MYO1G: variants seen among roughly 807,000 people sequenced by gnomAD.
The protein encoded by MYO1G is unconventional myosin-Ig.
In MYO1G, 65 loss-of-function variants were observed where a neutral mutation model predicts 115.3. The observed-to-expected ratio is 0.56, with a 90% confidence interval of 0.46 to 0.69. The LOEUF is 0.69. Ranked by LOEUF, MYO1G falls within the 30% of genes least tolerant of loss-of-function variation. MYO1G has a pLI of 0.00. For synonymous variants in MYO1G, 510 were observed against 552.6 expected (o/e 0.92, Z 1.08); for missense variants, 1,204 against 1,393.5 (o/e 0.86, Z 2.16).
At position 44,962,955 on chromosome 7, in the gene MYO1G, C is replaced by T. The variant is rs1314007086; in HGVS notation, c.2900+15G>A. On this transcript the variant is annotated intron_variant, in intron 21 of 21. Transcript: ENST00000258787. This position sits in a 1 kb window ranked among gnomAD's most constrained non-coding sequence, Gnocchi z 5.3. ...GCCGGGGCTTCGTGCCCGCTACCGC[C>T]CAGCCTGCACTCACCCCTGGCAGTG... 7 of 1,521,982 alleles carry T rather than the reference C, an allele frequency of 4.6e-6. No homozygotes were observed. Among genetic ancestry groups the T allele is most frequent in the Non-Finnish European group, 6.1e-6 (7 of 1,138,694 alleles). The allele number at this position is 1,521,982 out of a possible 1,614,324, so 94.3% of individuals were successfully genotyped here.
In MYO1G at chr7:44,965,025, C is replaced by A; in HGVS notation, c.2446G>T (p.Val816Leu). The A allele has an allele frequency of 6.2e-7, 1 of 1,611,576 alleles. No homozygotes were observed. The highest frequency in any genetic ancestry group is 8.5e-7 in the Non-Finnish European group (1 of 1,178,678). ...PSDMPQIKAK[V>L]AAMGALQGLR... ...CCTTGCAGGGCCCCCATGGCGGCCA[C>A]CTTGGCCTTGATCTGGGGCATGTCT... The change falls in exon 18 of 22, where the codon GTG (valine) becomes TTG (leucine). Residue 816 changes from valine (V) to leucine (L), a missense_variant. Physicochemically the swap from Val to Leu is conservative, Grantham distance 32 (BLOSUM62 1). Coordinates refer to ENST00000258787, the MANE Select transcript of MYO1G (RefSeq NM_033054.3).
chr7:44,970,561 G>A, intron 9 of MYO1G, 31 bp downstream of exon 9: 1 of 1,612,650 alleles, frequency 6.2e-7, no homozygotes, highest in Non-Finnish European at 8.5e-7. Context: ...CTGGGTGTCA[G>A]AGGTGGAGAT....
At chr7:44,972,084 A>C in intron 6 of MYO1G, 31 bp downstream of exon 6, 1 of 1,552,012 alleles carries the variant, frequency 6.4e-7, no homozygotes, top group Non-Finnish European at 8.9e-7. Context: ...CACTGAGCCC[A>C]GTTTGAGCCC....
Position 44,964,369 on chromosome 7 carries a change from T to G in MYO1G, c.2631+46A>C. The G allele has an allele frequency of 6.4e-7, 1 of 1,562,842 alleles. No individual in the cohort carries two copies. The highest frequency in any genetic ancestry group is 8.8e-7 in the Non-Finnish European group (1 of 1,134,098). On this transcript the variant is annotated intron_variant, in intron 19 of 21. Transcript: ENST00000258787. This position sits in a 1 kb window ranked among gnomAD's most constrained non-coding sequence, Gnocchi z 5.1. Reference sequence around the variant, plus strand: ...CAGCTTCTAACCTTGCAGACGTGGCTAGAAAAAGAGCACAGCCCTGAAGCC... The same window carrying G: ...CAGCTTCTAACCTTGCAGACGTGGCGAGAAAAAGAGCACAGCCCTGAAGCC...
Position 44,963,138 on chromosome 7 carries a change from G to A in MYO1G, c.2746-14C>T, listed in dbSNP as rs910319520. ...CAGCCCCGTCACCTGAGCGGAGCGC[G>A]GGGTCAGAGTGCAGCCGCCTCAACC... is the stretch of plus-strand genomic sequence containing the variant. On this transcript the variant is annotated splice_polypyrimidine_tract_variant and intron_variant, in intron 20 of 21. Coordinates refer to ENST00000258787, the MANE Select transcript of MYO1G (RefSeq NM_033054.3). This position sits in a 1 kb window ranked among gnomAD's most constrained non-coding sequence, Gnocchi z 4.1. 1.4e-6 allele frequency: 2 copies of A among 1,438,164 alleles called. No homozygotes were observed. The highest frequency in any genetic ancestry group is 1.8e-6 in the Non-Finnish European group (2 of 1,099,792). The allele number at this position is 1,438,164 out of a possible 1,614,324, so 89.1% of individuals were successfully genotyped here.
At position 44,962,802 on chromosome 7, in the gene MYO1G, C is replaced by A; in HGVS notation, c.2994G>T (p.Glu998Asp). The part of the protein sequence containing the change: ...RRLISVEPRP[E>D]QPEPDFRCAR... The stretch of plus-strand genomic sequence containing the variant: ...CGCAGCGGAAATCGGGCTCTGGCTG[C>A]TCCGGCCTGGGCTCCACGGAGATGA... The change falls in exon 22 of 22, where the codon GAG becomes GAT. Residue 998 changes from glutamate to aspartate, a missense_variant. Physicochemically the swap from Glu to Asp is conservative, Grantham distance 45. Transcript: ENST00000258787. The surrounding 1 kb of genome is among the most constrained non-coding windows in gnomAD (Gnocchi z 5.3). 1 of 1,515,982 alleles carries A rather than the reference C, an allele frequency of 6.6e-7. No homozygotes were observed. Among genetic ancestry groups the A allele is most frequent in the Non-Finnish European group, 8.8e-7 (1 of 1,138,484 alleles). 93.9% of individuals were successfully genotyped at this position (1,515,982 alleles called of 1,614,324 possible).
chr7:44,969,582 A>T lies in MYO1G; in HGVS notation c.1504-99T>A. 6.3e-7 allele frequency: 1 copy of T among 1,577,206 alleles called. No individual in the cohort carries two copies. Among genetic ancestry groups the T allele is most frequent in the East Asian group, 2.2e-5 (1 of 44,594 alleles). On this transcript the variant is annotated intron_variant, in intron 11 of 21. Coordinates refer to ENST00000258787, the MANE Select transcript of MYO1G (RefSeq NM_033054.3). The surrounding 1 kb of genome is among the most constrained non-coding windows in gnomAD (Gnocchi z 5.0). ...CACCTCCAGGGCAGAGAAGGTTGCCACAGTGACGACAATGGCACCAAAGCT... is the reference window on the plus strand; with the variant it reads ...CACCTCCAGGGCAGAGAAGGTTGCCTCAGTGACGACAATGGCACCAAAGCT...
Position 44,969,524 on chromosome 7 carries a change from G to T in MYO1G, c.1504-41C>A. The T allele has an allele frequency of 2.5e-6, 4 of 1,609,718 alleles. No homozygotes were observed. The highest frequency in any genetic ancestry group is 3.4e-6 in the Non-Finnish European group (4 of 1,176,484). On this transcript the variant is annotated intron_variant, in intron 11 of 21. Transcript: ENST00000258787. This position sits in a 1 kb window ranked among gnomAD's most constrained non-coding sequence, Gnocchi z 5.0. ...GAGGTCAAGGCACAAAAGGTATGTG[G>T]AGGGTCTGTATGAAGGGATAGCCCT...
At position 44,975,595 on chromosome 7, in the gene MYO1G, G is replaced by T; in HGVS notation, c.453C>A (p.Ala151=). The part of the protein sequence containing the change: ...STCVLEAFGN[A]RTNRNHNSSR... Reference sequence around the variant, plus strand: ...TGGAGTTGTGATTGCGGTTGGTGCGGGCATTGCCAAAGGCCTCCAGCACAC... The same window carrying T: ...TGGAGTTGTGATTGCGGTTGGTGCGTGCATTGCCAAAGGCCTCCAGCACAC... The change falls in exon 4 of 22, where the codon GCC becomes GCA. Residue 151 remains alanine (A), a synonymous_variant. Transcript: ENST00000258787. 6.2e-7 allele frequency: 1 copy of T among 1,613,936 alleles called. No individual in the cohort carries two copies. The highest frequency in any genetic ancestry group is 8.5e-7 in the Non-Finnish European group (1 of 1,179,874).
intron 14 of MYO1G, among the ~76,000 whole-genome samples, chr7:44,967,310 C>T (rs1794864386): frequency 6.6e-6 from 1 of 152,186 alleles, no homozygotes; most frequent in African/African-American, 2.4e-5. Flanking sequence ...TGGGCTGGGC[C>T]AAGCCAGCCT....
chr7:44,965,598 G>T (rs764508653), intron 17 of MYO1G, 39 bp downstream of exon 17: 1 of 1,565,448 alleles, frequency 6.4e-7, no homozygotes, highest in Non-Finnish European at 8.8e-7. Flanking sequence ...TTCAGTGGAT[G>T]CCAGCTGAAT....
intron 5 of MYO1G, chr7:44,974,067 A>C (rs1161614914): frequency 6.7e-6 from 1 of 148,510 alleles, no homozygotes; most frequent in Non-Finnish European, 1.5e-5. Context: ...GACTCACTGG[A>C]AAGACAGCCC....
rs553828393 is a variant in MYO1G, at chr7:44,963,730, G to A, written c.2745+319C>T. On this transcript the variant is annotated intron_variant, in intron 20 of 21. Transcript: ENST00000258787. The surrounding 1 kb of genome is among the most constrained non-coding windows in gnomAD (Gnocchi z 4.1). ...CAGGAGGCCCAGAACATTGTGGTGG[G>A]TACTCAGGTCCCAGAATGCCCAGGT... The A allele has an allele frequency of 5.1e-5, 19 of 374,084 alleles. No individual in the cohort carries two copies. Among genetic ancestry groups the A allele is most frequent in the Non-Finnish European group, 9.5e-5 (19 of 200,788 alleles). The allele number at this position is 374,084 out of a possible 1,614,324, so 23.2% of individuals were successfully genotyped here.
Position 44,969,806 on chromosome 7 carries a change from G to A in MYO1G, c.1402C>T (p.Leu468=), listed in dbSNP as rs367581527. The A allele has an allele frequency of 1.7e-5, 28 of 1,613,294 alleles. No individual in the cohort carries two copies. The East Asian group carries it at 3.1e-4, about 18-fold the overall frequency. The part of the protein sequence containing the change: ...ERPHRGILAV[L]DEACSSAGTI... Reference sequence around the variant, plus strand: ...CCAGCAGAGCTGCAGGCCTCGTCCAGCACGGCCAGGATGCCACGGTGGGGC... The same window carrying A: ...CCAGCAGAGCTGCAGGCCTCGTCCAACACGGCCAGGATGCCACGGTGGGGC... The change falls in exon 11 of 22, where the codon CTG becomes TTG. Residue 468 remains leucine, a synonymous_variant. Coordinates refer to ENST00000258787, the MANE Select transcript of MYO1G (RefSeq NM_033054.3). This position sits in a 1 kb window ranked among gnomAD's most constrained non-coding sequence, Gnocchi z 5.0.
Position 44,966,566 on chromosome 7 carries a change from T to C in MYO1G, c.1949+106A>G. On this transcript the variant is annotated intron_variant, in intron 15 of 21. Coordinates refer to ENST00000258787, the MANE Select transcript of MYO1G (RefSeq NM_033054.3). This position sits in a 1 kb window ranked among gnomAD's most constrained non-coding sequence, Gnocchi z 5.0. ...AGGCCAGCAGCGTGCTGGTTCCTGC[T>C]TGTATCGATGTTTGCGACGTGCTGT... 7.1e-7 allele frequency: 1 copy of C among 1,400,836 alleles called. No homozygotes were observed. The highest frequency in any genetic ancestry group is 1.0e-6 in the Non-Finnish European group (1 of 997,162). The allele number at this position is 1,400,836 out of a possible 1,614,324, so 86.8% of individuals were successfully genotyped here. A position where few individuals can be genotyped will look rare whatever the true frequency, so the allele number is the denominator to read the frequency against.
Position 44,966,243 on chromosome 7 carries a change from G to A in MYO1G, c.1987C>T (p.Leu663=), listed in dbSNP as rs1193568675. Residue 663 remains leucine, a synonymous_variant, in exon 16 of 22, where the codon CTG becomes TTG. Coordinates refer to ENST00000258787, the MANE Select transcript of MYO1G (RefSeq NM_033054.3). The surrounding 1 kb of genome is among the most constrained non-coding windows in gnomAD (Gnocchi z 5.0). ...MTCEYTWPNH[L]LGSDKAAVSA... ...ACGGCTGCCTTGTCGGAGCCCAGCA[G>A]GTGGTTGGGCCATGTGTATTCACAG... 1 of 1,611,446 alleles carries A rather than the reference G, an allele frequency of 6.2e-7. No individual in the cohort carries two copies. The highest frequency in any genetic ancestry group is 1.7e-5 in the Admixed American group (1 of 59,856).
Position 44,964,587 on chromosome 7 carries a change from C to T in MYO1G, c.2527-68G>A, listed in dbSNP as rs1794806917. ...TCATGGGACCAGACTCAATTGATAG[C>T]AGCTGTCTGTGAATCAGCATAGCTA... On this transcript the variant is annotated intron_variant, in intron 18 of 21. Coordinates refer to ENST00000258787, the MANE Select transcript of MYO1G (RefSeq NM_033054.3). The surrounding 1 kb of genome is among the most constrained non-coding windows in gnomAD (Gnocchi z 5.1). 1 of 1,256,672 alleles carries T rather than the reference C, an allele frequency of 8.0e-7. No homozygotes were observed. 77.8% of individuals were successfully genotyped at this position (1,256,672 alleles called of 1,614,324 possible). A position where few individuals can be genotyped will look rare whatever the true frequency, so the allele number is the denominator to read the frequency against.
At chr7:44,972,774 A>C (rs1794982784) in intron 5 of MYO1G, 2 of 154,994 alleles carry the variant, frequency 1.3e-5, no homozygotes, top group South Asian at 4.0e-4. Flanking sequence ...TAGGGAGCTC[A>C]GCGTCTGTGG....
At chr7:44,970,237 C>G in intron 9 of MYO1G, 83 bp from the exon 10 acceptor site, 6 of 963,764 alleles carry the variant, frequency 6.2e-6, no homozygotes, top group Non-Finnish European at 8.1e-6. Context: ...CTGAACATCT[C>G]TGCTAATGTT....
Sources: gnomAD v4.1 joint callset for allele counts (sites outside exome capture counted in the v4.1 genomes callset) on GRCh38, gnomAD v4.1.1 for gene constraint, Gnocchi (gnomAD v3.1) non-coding constraint, MANE v1.5 for transcripts, NCBI Gene and HGNC (gene_info 2026-07-23, HGNC 2026-07-21) for gene names.